Variants in RAB38 observed in about 807,000 individuals in gnomAD.
RAB38 encodes the protein RAB38, member RAS oncogene family.
A neutral mutation model predicts 18.4 loss-of-function variants in RAB38; 15 were observed. The observed-to-expected ratio is 0.82, with a 90% confidence interval of 0.55 to 1.26. RAB38 has a LOEUF of 1.26. Among genes scored for constraint, RAB38 ranks in the 50% most tolerant of loss-of-function variants. The pLI is 0.00. For missense variants in RAB38, 294 were observed against 267.4 expected (o/e 1.10, Z -0.69); for synonymous variants, 101 against 104.4 (o/e 0.97, Z 0.20).
the RAB38 span, among the ~76,000 whole-genome samples, chr11:87,976,112 G>A: frequency 1.1e-4 from 16 of 147,114 alleles, no homozygotes; most frequent in Middle Eastern, 7.2e-3. Flanking sequence ...ATATATGTGT[G>A]CGTGTAAATA....
chr11:87,841,626 T>C, the RAB38 span, among the ~76,000 whole-genome samples: 2 of 152,220 alleles, frequency 1.3e-5, no homozygotes, highest in African/African-American at 4.8e-5. Flanking sequence ...TGGATGTTTG[T>C]CTGAAGACCA....
intron 2 of RAB38, among the ~76,000 whole-genome samples, chr11:88,132,846 T>C (rs1942782412): frequency 6.6e-6 from 1 of 152,182 alleles, no homozygotes; most frequent in African/African-American, 2.4e-5. Flanking sequence ...ATTTAATAGA[T>C]ATTAATAATA....
the RAB38 span, among the ~76,000 whole-genome samples, chr11:87,894,635 T>A: frequency 1.3e-5 from 2 of 151,442 alleles, no homozygotes; most frequent in Non-Finnish European, 3.0e-5. Context: ...ATTCCTAAAT[T>A]TGAGACAATA....
the RAB38 span, among the ~76,000 whole-genome samples, chr11:87,950,163 G>A: frequency 0.41 from 62,879 of 151,712 alleles, 13,318 homozygotes; most frequent in South Asian, 0.55. Context: ...ATCTCTTTTG[G>A]TCTTTGTTGG....
the RAB38 span, among the ~76,000 whole-genome samples, chr11:87,881,244 C>T: frequency 1.3e-5 from 2 of 151,826 alleles, no homozygotes; most frequent in Non-Finnish European, 2.9e-5. Flanking sequence ...GGATAATACA[C>T]TGCCCCTGCT....
chr11:87,918,299 T>C, the RAB38 span, among the ~76,000 whole-genome samples: 1 of 152,144 alleles, frequency 6.6e-6, no homozygotes, highest in South Asian at 2.1e-4. Flanking sequence ...TGATGAACAC[T>C]TAGATTTATT....
the RAB38 span, among the ~76,000 whole-genome samples, chr11:87,876,504 TAAC>T: frequency 6.6e-6 from 1 of 151,430 alleles, no homozygotes; most frequent in African/African-American, 2.4e-5. Flanking sequence ...TTTGAAAGAG[TAAC>T]AAATATTAAT....
chr11:87,969,994 T>C, the RAB38 span, among the ~76,000 whole-genome samples: 1 of 151,824 alleles, frequency 6.6e-6, no homozygotes, highest in Non-Finnish European at 1.5e-5. Context: ...AACAAGTAAG[T>C]CAGGTTCAGT....
the RAB38 span, among the ~76,000 whole-genome samples, chr11:88,040,606 T>G: frequency 6.6e-6 from 1 of 152,108 alleles, no homozygotes; most frequent in South Asian, 2.1e-4. Flanking sequence ...TCCAAGCTAC[T>G]TAGGAGGATC....
the RAB38 span, among the ~76,000 whole-genome samples, chr11:87,940,334 T>A: frequency 6.6e-6 from 1 of 152,262 alleles, no homozygotes; most frequent in South Asian, 2.1e-4. Context: ...CACTCATCTC[T>A]CTTTGCCCAG....
At chr11:87,956,925 G>A in the RAB38 span, among the ~76,000 whole-genome samples, 2 of 151,596 alleles carry the variant, frequency 1.3e-5, no homozygotes, top group Non-Finnish European at 1.5e-5. Context: ...TTTGTACACT[G>A]ACATTTCTAC....
the RAB38 span, among the ~76,000 whole-genome samples, chr11:87,956,549 G>A: frequency 6.6e-6 from 1 of 150,926 alleles, no homozygotes; most frequent in Non-Finnish European, 1.5e-5. Flanking sequence ...GAAACCAAAC[G>A]GCAGGATAAT....
the RAB38 span, among the ~76,000 whole-genome samples, chr11:88,057,087 G>A: frequency 6.6e-6 from 1 of 152,086 alleles, no homozygotes; most frequent in Non-Finnish European, 1.5e-5. Context: ...AAACTTCACT[G>A]TACCACTGGA....
chr11:88,125,777 T>C (rs1399196769), intron 2 of RAB38, among the ~76,000 whole-genome samples: 1 of 152,238 alleles, frequency 6.6e-6, no homozygotes, highest in Non-Finnish European at 1.5e-5. Flanking sequence ...GTTTTAGACA[T>C]GAAGTCCTTG....
At chr11:87,806,524 T>C in the RAB38 span, among the ~76,000 whole-genome samples, 1 of 152,168 alleles carries the variant, frequency 6.6e-6, no homozygotes, top group East Asian at 1.9e-4. Context: ...AACATATGAA[T>C]TTTGGGGGCC....
At chr11:87,819,552 AAAATT>A in the RAB38 span, among the ~76,000 whole-genome samples, 2 of 152,118 alleles carry the variant, frequency 1.3e-5, no homozygotes, top group East Asian at 3.9e-4. Flanking sequence ...AATTACATTA[AAAATT>A]AATTTCCCCT....
At chr11:87,891,656 G>T in the RAB38 span, among the ~76,000 whole-genome samples, 1 of 151,756 alleles carries the variant, frequency 6.6e-6, no homozygotes, top group Non-Finnish European at 1.5e-5. Context: ...CAGTGAATAG[G>T]CTGCCCAGTA....
the RAB38 span, chr11:88,100,026 T>G: frequency 1.3e-5 from 2 of 151,878 alleles, no homozygotes; most frequent in African/African-American, 4.8e-5. Flanking sequence ...TTATCTTAAC[T>G]GATTGTTCAC....
chr11:87,868,578 GGA>G, the RAB38 span, among the ~76,000 whole-genome samples: 477 of 59,236 alleles, frequency 8.1e-3, 2 homozygotes, highest in East Asian at 0.017. Context: ...AAGGAGTGAG[GGA>G]GAGAGAGAGA....
Sources: gnomAD v4.1 joint callset for allele counts (sites outside exome capture counted in the v4.1 genomes callset) on GRCh38, gnomAD v4.1.1 for gene constraint, MANE v1.5 for transcripts, NCBI Gene and HGNC (gene_info 2026-07-23, HGNC 2026-07-21) for gene names.